COL19A1: variants seen among roughly 807,000 people sequenced by gnomAD.
COL19A1 encodes collagen alpha-1(XIX) chain.
Under a neutral mutation model 190.2 loss-of-function variants are expected in COL19A1, and 159 were observed. The observed-to-expected ratio is 0.84, with a 90% CI of 0.73 to 0.95. The LOEUF is 0.95. Among genes scored for constraint, COL19A1 ranks in the 40% least tolerant of loss-of-function variants. The probability of loss-of-function intolerance (pLI) is 0.00; values close to 1 mark genes in which losing one functional copy is unlikely to be tolerated. For synonymous variants in COL19A1, 509 were observed against 458.9 expected (o/e 1.11, Z -1.39); for missense variants, 1,418 against 1,431.9 (o/e 0.99, Z 0.16).
At chr6:70,076,393 A>C (rs1240810781) in intron 15 of COL19A1, among the ~76,000 whole-genome samples, 1 of 152,236 alleles carries the variant, frequency 6.6e-6, no homozygotes. Flanking sequence ...CTTTTAAAAA[A>C]GTTACTTAAA....
At chr6:70,050,922 T>C (rs1057004704) in intron 14 of COL19A1, among the ~76,000 whole-genome samples, 5 of 152,094 alleles carry the variant, frequency 3.3e-5, no homozygotes, top group African/African-American at 1.2e-4. Flanking sequence ...TTTTGCAAAA[T>C]AGAGAAACAC....
intron 36 of COL19A1, 68 bp downstream of exon 36, chr6:70,163,464 A>C (rs1787944808): frequency 7.1e-7 from 1 of 1,416,932 alleles, no homozygotes; most frequent in African/African-American, 1.4e-5. Context: ...GAGACTCTTC[A>C]CAGAGAGAGC....
At chr6:69,936,614 G>A (rs895418048) in intron 7 of COL19A1, among the ~76,000 whole-genome samples, 171 bp from the exon 8 acceptor site, 3 of 152,016 alleles carry the variant, frequency 2.0e-5, no homozygotes, top group Admixed American at 6.6e-5. Flanking sequence ...GGGCTCAGGC[G>A]GAAAGTGCAA....
chr6:69,982,387 C>T (rs1469224304), intron 11 of COL19A1, among the ~76,000 whole-genome samples: 1 of 151,736 alleles, frequency 6.6e-6, no homozygotes, highest in African/African-American at 2.4e-5. Context: ...ATTACAGGCA[C>T]CTGCCGCCAC....
intron 11 of COL19A1, among the ~76,000 whole-genome samples, chr6:70,016,290 G>A (rs1274227274): frequency 8.0e-5 from 5 of 62,694 alleles, no homozygotes; most frequent in African/African-American, 1.9e-4. Flanking sequence ...TGGGTGCAGC[G>A]CACAAGCATG....
intron 17 of COL19A1, among the ~76,000 whole-genome samples, chr6:70,128,754 A>C (rs978367489): frequency 1.5e-4 from 23 of 152,238 alleles, no homozygotes; most frequent in Non-Finnish European, 2.9e-4. Context: ...AGAGTTTTTA[A>C]GTATTGATGT....
At chr6:70,147,356 T>A (rs1424111763) in intron 27 of COL19A1, among the ~76,000 whole-genome samples, 2 of 151,990 alleles carry the variant, frequency 1.3e-5, no homozygotes, top group Non-Finnish European at 2.9e-5. Context: ...ATGGTAAAAA[T>A]AAATAATGAG....
At chr6:69,915,777 A>G (rs1771255760) in intron 4 of COL19A1, among the ~76,000 whole-genome samples, 1 of 152,212 alleles carries the variant, frequency 6.6e-6, no homozygotes, top group South Asian at 2.1e-4. Flanking sequence ...TTCCCAAAGT[A>G]TGAAAATCCC....
At chr6:70,078,838 G>A (rs762880520) in intron 15 of COL19A1, among the ~76,000 whole-genome samples, 9 of 152,202 alleles carry the variant, frequency 5.9e-5, no homozygotes, top group African/African-American at 9.6e-5. Flanking sequence ...AGGCCGAGGC[G>A]GGCAGGTAAC....
chr6:69,956,913 A>T (rs185896137), intron 9 of COL19A1, among the ~76,000 whole-genome samples: 1 of 152,200 alleles, frequency 6.6e-6, no homozygotes, highest in African/African-American at 2.4e-5. Flanking sequence ...TTATAATAGG[A>T]TCTCGGACAT....
rs530659797 is a variant in COL19A1 at position 70,146,848 on chromosome 6, G to T, written c.1852G>T (p.Gly618Trp). ...RGLPGVHGSP[G>W]DIGPQGIGIP... ...ACTTCCAGGTGTTCACGGTTCCCCAGGGGACATAGGCCCACAAGGGATAGG... is the reference window on the plus strand; with the variant it reads ...ACTTCCAGGTGTTCACGGTTCCCCATGGGACATAGGCCCACAAGGGATAGG... Residue 618 changes from glycine (G) to tryptophan (W), a missense_variant, in exon 27 of 51, where the codon GGG (glycine) becomes TGG (tryptophan). Gly to Trp is a radical substitution (Grantham distance 184, BLOSUM62 -2). Coordinates refer to ENST00000620364, the MANE Select transcript of COL19A1 (RefSeq NM_001858.6). 3.1e-6 allele frequency: 5 copies of T among 1,594,298 alleles called. No individual in the cohort carries two copies. Among genetic ancestry groups the T allele is most frequent in the Non-Finnish European group, 4.3e-6 (5 of 1,172,110 alleles).
At chr6:69,896,706 C>T (rs1769799428) in intron 2 of COL19A1, among the ~76,000 whole-genome samples, 1 of 152,176 alleles carries the variant, frequency 6.6e-6, no homozygotes. Context: ...TGATATCTCA[C>T]TGTGGTTTCA....
At chr6:69,916,348 A>C (rs961803158) in intron 4 of COL19A1, among the ~76,000 whole-genome samples, 3 of 152,216 alleles carry the variant, frequency 2.0e-5, no homozygotes, top group African/African-American at 4.8e-5. Flanking sequence ...TAAAAATGAA[A>C]ATTAAAAAGA....
chr6:69,915,583 T>C (rs1382619224), intron 4 of COL19A1, among the ~76,000 whole-genome samples: 1 of 152,194 alleles, frequency 6.6e-6, no homozygotes, highest in Non-Finnish European at 1.5e-5. Context: ...TGGCAGGCCC[T>C]GATTTCACAA....
chr6:69,923,863 G>T (rs1382271491), intron 4 of COL19A1, among the ~76,000 whole-genome samples: 1 of 152,148 alleles, frequency 6.6e-6, no homozygotes, highest in Non-Finnish European at 1.5e-5. Context: ...TAGGCCTTCA[G>T]CAAAGGCTGG....
rs1329829141 is a variant in COL19A1 at position 69,885,715 on chromosome 6, G to A, written c.91+6057G>A. 2.2e-5 allele frequency among the ~76,000 whole-genome samples: 3 copies of A among 136,626 alleles called. No homozygotes were observed. The East Asian group carries it at 6.1e-4, about 28-fold the overall frequency. 89.6% of individuals were successfully genotyped at this position (136,626 alleles called of 152,430 possible). On this transcript the variant is annotated intron_variant, in intron 2 of 50. Transcript: ENST00000620364. ...CTCTTTTAAAAAATATTCCACATGT[G>A]AGATCACACAATATTTTTTTTCCTG...
At chr6:70,115,825 G>GTTTTTTTTTTTTT (rs57814985) in intron 16 of COL19A1, among the ~76,000 whole-genome samples, 4 of 117,180 alleles carry the variant, frequency 3.4e-5, no homozygotes, top group Admixed American at 2.8e-4. Flanking sequence ...TTGGTGTTTT[G>GTTTTTTTTTTTTT]TTTTTTTTTT....
intron 4 of COL19A1, among the ~76,000 whole-genome samples, chr6:69,926,485 A>T (rs946636847): frequency 6.6e-6 from 1 of 152,192 alleles, no homozygotes; most frequent in African/African-American, 2.4e-5. Flanking sequence ...ATTTTTGAAT[A>T]GAAAAGTATA....
At chr6:69,899,773 C>T (rs915804273) in intron 3 of COL19A1, among the ~76,000 whole-genome samples, 2 of 152,180 alleles carry the variant, frequency 1.3e-5, no homozygotes, top group African/African-American at 4.8e-5. Context: ...GTGTGTGACA[C>T]ACACACAGTT....
Sources: gnomAD v4.1 joint callset for allele counts (sites outside exome capture counted in the v4.1 genomes callset) on GRCh38, gnomAD v4.1.1 for gene constraint, MANE v1.5 for transcripts, NCBI Gene and HGNC (gene_info 2026-07-23, HGNC 2026-07-21) for gene names.